The following ATF7IP variants were observed in gnomAD, a reference collection of about 807,000 sequenced individuals.
The protein encoded by ATF7IP is activating transcription factor 7 interacting protein, also known as activating transcription factor 7-interacting protein 1.
A neutral mutation model predicts 106.4 loss-of-function variants in ATF7IP; 23 were observed. The observed-to-expected ratio is 0.22, with a 90% CI of 0.16 to 0.31. ATF7IP has a LOEUF of 0.31. ATF7IP is among the 10% of genes least tolerant of loss of function. The pLI, the probability that ATF7IP is intolerant of heterozygous loss-of-function variation, is 1.00. For missense variants in ATF7IP, 1,334 were observed against 1,524.3 expected (o/e 0.88, Z 2.08); for synonymous variants, 542 against 539.0 (o/e 1.01, Z -0.08).
chr12:14,425,539 A>T, intron 2 of ATF7IP, 66 bp downstream of exon 2: 1 of 1,419,594 alleles, frequency 7.0e-7, no homozygotes, highest in Non-Finnish European at 9.3e-7. Context: ...ATAAAACATT[A>T]TCATAATGTT....
chr12:14,491,813 G>A (rs545126826), intron 13 of ATF7IP, among the ~76,000 whole-genome samples: 1 of 152,202 alleles, frequency 6.6e-6, no homozygotes, highest in Non-Finnish European at 1.5e-5. Flanking sequence ...TACAGCAGCT[G>A]CAGTTAGAGT....
At position 14,438,255 on chromosome 12, in the gene ATF7IP, C is replaced by T; in HGVS notation, c.1917C>T (p.Leu639=). ...GTAACAAGAGGCATAAAACAGTTCT[C>T]ACTGAACTACAGGTTTGTACATTGA... The part of the protein sequence containing the change: ...IECNKRHKTV[L]TELQAKIARL... The change falls in exon 5 of 15, where the codon CTC becomes CTT. Residue 639 remains leucine, a synonymous_variant. Transcript: ENST00000261168. 1 of 1,612,300 alleles carries T rather than the reference C, an allele frequency of 6.2e-7. No homozygotes were observed. The highest frequency in any genetic ancestry group is 8.5e-7 in the Non-Finnish European group (1 of 1,179,612).
intron 13 of ATF7IP, among the ~76,000 whole-genome samples, chr12:14,488,419 G>A (rs536486710): frequency 1.2e-4 from 18 of 152,254 alleles, no homozygotes; most frequent in African/African-American, 4.3e-4. Context: ...GGAAAAAGAT[G>A]TAGGCTGGGA....
chr12:14,497,125 T>C (rs1591983385), intron 14 of ATF7IP, among the ~76,000 whole-genome samples: 1 of 152,210 alleles, frequency 6.6e-6, no homozygotes, highest in Non-Finnish European at 1.5e-5. Flanking sequence ...TCCTTCACAG[T>C]TGAGTTTAAA....
At chr12:14,474,970 A>G (rs1383012116) in intron 10 of ATF7IP, among the ~76,000 whole-genome samples, 2 of 152,216 alleles carry the variant, frequency 1.3e-5, no homozygotes, top group Admixed American at 1.3e-4. Flanking sequence ...ATTTATAAGA[A>G]TGAGAATTGC....
chr12:14,389,435 T>G (rs935888389), intron 1 of ATF7IP, among the ~76,000 whole-genome samples: 2 of 152,194 alleles, frequency 1.3e-5, no homozygotes, highest in Non-Finnish European at 2.9e-5. Flanking sequence ...TCAAATACAC[T>G]GTGAGAAAAT....
At chr12:14,373,837 A>G (rs1202543847) in intron 1 of ATF7IP, among the ~76,000 whole-genome samples, 2 of 151,944 alleles carry the variant, frequency 1.3e-5, no homozygotes, top group African/African-American at 4.8e-5. Flanking sequence ...AAATATTTAT[A>G]TTTGATAGAA....
At chr12:14,430,517 G>A (rs1942063303) in intron 2 of ATF7IP, among the ~76,000 whole-genome samples, 1 of 152,172 alleles carries the variant, frequency 6.6e-6, no homozygotes, top group Non-Finnish European at 1.5e-5. Context: ...AATACAAAAT[G>A]TCTGGAAAAG....
At chr12:14,410,683 T>G (rs1038235125) in intron 1 of ATF7IP, among the ~76,000 whole-genome samples, 3 of 152,216 alleles carry the variant, frequency 2.0e-5, no homozygotes, top group African/African-American at 7.2e-5. Context: ...TATATTGTTA[T>G]AATTGTTCTA....
chr12:14,460,274 G>T (rs1943587487), intron 8 of ATF7IP, among the ~76,000 whole-genome samples: 1 of 152,032 alleles, frequency 6.6e-6, no homozygotes, highest in South Asian at 2.1e-4. Context: ...CATCGATCAT[G>T]TGCTGTTTTT....
chr12:14,475,314 G>A (rs936554741), intron 10 of ATF7IP, among the ~76,000 whole-genome samples: 5 of 152,060 alleles, frequency 3.3e-5, no homozygotes, highest in African/African-American at 9.7e-5. Context: ...GGTTTATGTC[G>A]TCTTACCTTC....
intron 4 of ATF7IP, among the ~76,000 whole-genome samples, chr12:14,437,655 T>A (rs1052077177): frequency 1.8e-4 from 27 of 152,332 alleles, no homozygotes; most frequent in Non-Finnish European, 3.5e-4. Context: ...GAAGTAGATT[T>A]TATATATATA....
At chr12:14,426,637 G>T (rs1303673067) in intron 2 of ATF7IP, among the ~76,000 whole-genome samples, 1 of 149,954 alleles carries the variant, frequency 6.7e-6, no homozygotes, top group Non-Finnish European at 1.5e-5. Context: ...GACCAGCCTG[G>T]GCAACATGGT....
intron 1 of ATF7IP, chr12:14,385,275 T>G: frequency 1.1e-6 from 1 of 905,650 alleles, no homozygotes; most frequent in Non-Finnish European, 1.6e-6. Context: ...TGCAGCCATC[T>G]TAATTACACT....
At chr12:14,394,055 G>T (rs574941319) in intron 1 of ATF7IP, among the ~76,000 whole-genome samples, 10 of 152,136 alleles carry the variant, frequency 6.6e-5, no homozygotes, top group African/African-American at 2.2e-4. Context: ...ATTAACTAGT[G>T]GTAAATGTGT....
intron 8 of ATF7IP, among the ~76,000 whole-genome samples, chr12:14,460,121 A>G (rs1943582403): frequency 6.6e-6 from 1 of 152,216 alleles, no homozygotes; most frequent in Admixed American, 6.5e-5. Context: ...TAAGGCATTT[A>G]TAATGTTTTT....
At chr12:14,403,329 T>G (rs921564838) in intron 1 of ATF7IP, among the ~76,000 whole-genome samples, 1 of 151,844 alleles carries the variant, frequency 6.6e-6, no homozygotes, top group Non-Finnish European at 1.5e-5. Flanking sequence ...ACAGTGCAGT[T>G]TAGGATAGAG....
In ATF7IP at chr12:14,446,968, G is replaced by GTC; in HGVS notation, c.1930-18_1930-17dup. The GTC allele has an allele frequency of 9.6e-7, 1 of 1,038,326 alleles. No homozygotes were observed. Among genetic ancestry groups the GTC allele is most frequent in the Non-Finnish European group, 1.3e-6 (1 of 790,620 alleles). The allele number at this position is 1,038,326 out of a possible 1,614,324, so 64.3% of individuals were successfully genotyped here. On this transcript the variant is annotated intron_variant, in intron 5 of 14. Transcript: ENST00000261168. ...TACTATTTGATTTCCATTCATTTTT[G>GTC]TCTTTTTTTTTTTTTTCAGGCCAAG... is the stretch of plus-strand genomic sequence containing the variant.
At chr12:14,481,304 G>A (rs1944420639) in intron 13 of ATF7IP, 119 bp downstream of exon 13, 1 of 856,546 alleles carries the variant, frequency 1.2e-6, no homozygotes. Flanking sequence ...CATATTAAAA[G>A]TATTGTTATA....
Sources: allele counts gnomAD v4.1 joint callset (sites outside exome capture counted in the v4.1 genomes callset), GRCh38; gene constraint gnomAD v4.1.1; transcripts MANE v1.5; gene names NCBI Gene and HGNC (gene_info 2026-07-23, HGNC 2026-07-21).